Variants in SHLD1 observed in about 807,000 individuals in gnomAD.
SHLD1 encodes the protein shieldin complex subunit 1.
Under a neutral mutation model 5.5 loss-of-function variants are expected in SHLD1, and 3 were observed. That is an observed-to-expected ratio of 0.54 (90% CI 0.25 to 1.40). The LOEUF (loss-of-function observed/expected upper bound fraction) is 1.40, where lower values mean the gene tolerates loss of function less well. SHLD1 is among the 40% of genes most tolerant of loss of function. The pLI is 0.15. For missense variants in SHLD1, 210 were observed against 244.4 expected, an observed-to-expected ratio of 0.86 and a Z score of 0.94; for synonymous variants, 92 against 94.3, an observed-to-expected ratio of 0.98 and a Z score of 0.14.
At chr20:5,771,200 T>C (rs1985134406) in intron 1 of SHLD1, among the ~76,000 whole-genome samples, 1 of 152,228 alleles carries the variant, frequency 6.6e-6, no homozygotes, top group South Asian at 2.1e-4. Flanking sequence ...TATGCCCTGG[T>C]GCTTCCTTTG....
At chr20:5,770,004 CAAAAAAA>C (rs113692130) in intron 1 of SHLD1, among the ~76,000 whole-genome samples, 20 of 55,084 alleles carry the variant, frequency 3.6e-4, no homozygotes, top group Admixed American at 1.7e-3. Context: ...AACTCCTTCT[CAAAAAAA>C]AAAAAAAAAA....
At chr20:5,850,852 G>T (rs557741273) in intron 2 of SHLD1, among the ~76,000 whole-genome samples, 6 of 152,258 alleles carry the variant, frequency 3.9e-5, no homozygotes, top group African/African-American at 1.4e-4. Flanking sequence ...ACTCTGCATT[G>T]CCTCCTGGAA....
At chr20:5,783,891 C>T (rs1243104763) in intron 2 of SHLD1, among the ~76,000 whole-genome samples, 2 of 152,136 alleles carry the variant, frequency 1.3e-5, no homozygotes, top group African/African-American at 2.4e-5. Context: ...GTGGCTCACG[C>T]CTGTAATCCC....
chr20:5,837,601 T>C (rs1333449876), intron 2 of SHLD1, among the ~76,000 whole-genome samples: 1 of 148,352 alleles, frequency 6.7e-6, no homozygotes, highest in Non-Finnish European at 1.5e-5. Flanking sequence ...TTGCTGAGGA[T>C]AATGGCTTCC....
intron 1 of SHLD1, among the ~76,000 whole-genome samples, chr20:5,768,939 A>C (rs1600101913): frequency 7.3e-6 from 1 of 136,128 alleles, no homozygotes; most frequent in African/African-American, 2.8e-5. Context: ...CACAGGTCTC[A>C]CTCTCGTTTG....
intron 1 of SHLD1, among the ~76,000 whole-genome samples, chr20:5,759,365 T>C (rs542971654): frequency 6.6e-6 from 1 of 152,142 alleles, no homozygotes; most frequent in African/African-American, 2.4e-5. Context: ...CTTCAAGCGA[T>C]TCTCATGCCT....
At chr20:5,814,450 TA>T (rs2087501251) in intron 2 of SHLD1, among the ~76,000 whole-genome samples, 1 of 152,134 alleles carries the variant, frequency 6.6e-6, no homozygotes, top group Non-Finnish European at 1.5e-5. Flanking sequence ...AATATCTGTA[TA>T]TTTTTTGTTA....
chr20:5,780,013 C>T (rs1310193432), intron 2 of SHLD1, among the ~76,000 whole-genome samples: 1 of 119,034 alleles, frequency 8.4e-6, no homozygotes, highest in Non-Finnish European at 1.6e-5. Context: ...GAGTCTTGCT[C>T]TGTCACCCAG....
At chr20:5,791,155 C>T (rs2087132794) in intron 2 of SHLD1, among the ~76,000 whole-genome samples, 1 of 151,972 alleles carries the variant, frequency 6.6e-6, no homozygotes, top group Non-Finnish European at 1.5e-5. Flanking sequence ...AGAGAAATAC[C>T]TTATTTGACA....
intron 2 of SHLD1, among the ~76,000 whole-genome samples, chr20:5,836,818 T>C (rs1285389049): frequency 6.6e-6 from 1 of 152,186 alleles, no homozygotes; most frequent in Admixed American, 6.5e-5. Flanking sequence ...CCCTTAGATT[T>C]GAACTCACAG....
At chr20:5,830,688 T>TA (rs33975362) in intron 2 of SHLD1, among the ~76,000 whole-genome samples, 114 of 131,316 alleles carry the variant, frequency 8.7e-4, no homozygotes, top group South Asian at 2.9e-3. Context: ...AACTCCGTCT[T>TA]AAAAAAAAAA....
At chr20:5,799,173 A>C (rs1189471265) in intron 2 of SHLD1, among the ~76,000 whole-genome samples, 1 of 151,696 alleles carries the variant, frequency 6.6e-6, no homozygotes, top group Non-Finnish European at 1.5e-5. Context: ...ACTGCACTCT[A>C]GCCTGGATGA....
chr20:5,817,394 TTCTCTCTCTCTCTC>T (rs144955343), intron 2 of SHLD1, among the ~76,000 whole-genome samples: 33 of 75,864 alleles, frequency 4.3e-4, no homozygotes, highest in African/African-American at 1.1e-3. Flanking sequence ...ACGGGATATT[TTCTCTCTCTCTCTC>T]TCTCTCTCTC....
chr20:5,830,301 C>T (rs1356496612), intron 2 of SHLD1, among the ~76,000 whole-genome samples: 2 of 151,944 alleles, frequency 1.3e-5, no homozygotes, highest in African/African-American at 4.9e-5. Flanking sequence ...AACAAACTGC[C>T]ACTGTATGCA....
intron 1 of SHLD1, among the ~76,000 whole-genome samples, chr20:5,756,036 G>T (rs1445010490): frequency 1.3e-5 from 2 of 152,140 alleles, no homozygotes; most frequent in Non-Finnish European, 1.5e-5. Flanking sequence ...TTGCTATGAA[G>T]AATCTGTTTT....
At chr20:5,810,825 A>T (rs2087448322) in intron 2 of SHLD1, among the ~76,000 whole-genome samples, 1 of 150,668 alleles carries the variant, frequency 6.6e-6, no homozygotes. Context: ...GCTTGAACCC[A>T]GGAGGTGGAG....
intron 1 of SHLD1, among the ~76,000 whole-genome samples, chr20:5,760,618 G>A (rs1409638632): frequency 1.3e-5 from 2 of 152,008 alleles, no homozygotes; most frequent in East Asian, 1.9e-4. Context: ...GCTTGAGCCC[G>A]GGAGGAGGAG....
At chr20:5,786,546 A>T (rs1312257044) in intron 2 of SHLD1, among the ~76,000 whole-genome samples, 2 of 152,098 alleles carry the variant, frequency 1.3e-5, no homozygotes, top group Non-Finnish European at 2.9e-5. Context: ...CTGCACTTTA[A>T]CCTGAGTGAC....
chr20:5,799,284 T>G (rs932075354), intron 2 of SHLD1, among the ~76,000 whole-genome samples: 3 of 149,226 alleles, frequency 2.0e-5, no homozygotes, highest in Admixed American at 2.0e-4. Context: ...TCTCTCGCTC[T>G]CTCTCTTTCT....
Sources: gnomAD v4.1 joint callset for allele counts (sites outside exome capture counted in the v4.1 genomes callset) on GRCh38, gnomAD v4.1.1 for gene constraint, MANE v1.5 for transcripts, NCBI Gene and HGNC (gene_info 2026-07-23, HGNC 2026-07-21) for gene names.